The following EYS variants were observed in gnomAD, a reference collection of about 807,000 sequenced individuals.
The protein encoded by EYS is EGF-like photoreceptor maintenance factor.
A neutral mutation model predicts 282.1 loss-of-function variants in EYS; 250 were observed. That is an observed-to-expected ratio of 0.89 (90% CI 0.80 to 0.98). The LOEUF (loss-of-function observed/expected upper bound fraction) is 0.98. EYS is among the 50% of genes least tolerant of loss of function. The pLI is 0.00. For missense variants in EYS, 4,016 were observed against 3,709.0 expected (o/e 1.08, Z -2.15); for synonymous variants, 1,355 against 1,282.9 (o/e 1.06, Z -1.20).
chr6:65,305,471 T>G (rs1582123508), intron 11 of EYS, among the ~76,000 whole-genome samples: 1 of 152,342 alleles, frequency 6.6e-6, no homozygotes, highest in Non-Finnish European at 1.5e-5. Context: ...ATTTAGAGAT[T>G]CAACTAAGCT....
At chr6:64,333,931 C>A (rs762236447) in intron 29 of EYS, among the ~76,000 whole-genome samples, 5 of 152,112 alleles carry the variant, frequency 3.3e-5, no homozygotes, top group Non-Finnish European at 5.9e-5. Flanking sequence ...GAATTGATGC[C>A]GCAAGACAAT....
chr6:64,190,188 A>G (rs563822015), intron 31 of EYS, among the ~76,000 whole-genome samples: 129 of 152,308 alleles, frequency 8.5e-4, no homozygotes, highest in African/African-American at 3.0e-3. Flanking sequence ...CATCTAGTAC[A>G]AACAACCCCT....
At chr6:64,707,395 CAT>C (rs1395684405) in intron 22 of EYS, among the ~76,000 whole-genome samples, 6 of 151,944 alleles carry the variant, frequency 3.9e-5, no homozygotes, top group Admixed American at 2.0e-4. Context: ...GGGGGCCAGG[CAT>C]GGTGGCTCAC....
chr6:65,533,261 C>T lies in EYS; in HGVS notation c.-332-37268G>A, dbSNP rs553172600. ...AAATGGATAAATTCCTGGACACATACACCCTCCCAAGACTAAATCAGGAAG... is the reference window on the plus strand; with the variant it reads ...AAATGGATAAATTCCTGGACACATATACCCTCCCAAGACTAAATCAGGAAG... On this transcript the variant is annotated intron_variant, in intron 2 of 42. Transcript: ENST00000503581. Among the ~76,000 whole-genome samples the T allele has an allele frequency of 7.9e-5, 12 of 152,176 alleles. 1 individual carries two copies. Among genetic ancestry groups the T allele is most frequent in the African/African-American group, 2.9e-4 (12 of 41,528 alleles).
At chr6:65,530,338 C>T (rs1767717694) in intron 2 of EYS, among the ~76,000 whole-genome samples, 1 of 152,156 alleles carries the variant, frequency 6.6e-6, no homozygotes, top group Non-Finnish European at 1.5e-5. Context: ...AAACAATGGC[C>T]TGTGGGACTC....
At chr6:64,212,223 C>G (rs1765802132) in intron 31 of EYS, among the ~76,000 whole-genome samples, 1 of 151,762 alleles carries the variant, frequency 6.6e-6, no homozygotes, top group African/African-American at 2.4e-5. Flanking sequence ...GAGAGAAAAT[C>G]TGGAAGTATA....
At chr6:65,469,090 A>G (rs945744981) in intron 5 of EYS, among the ~76,000 whole-genome samples, 3 of 152,088 alleles carry the variant, frequency 2.0e-5, no homozygotes, top group Non-Finnish European at 2.9e-5. Context: ...TGATAGAACA[A>G]TATTTTTCAG....
chr6:64,274,297 C>T (rs1158374959), intron 30 of EYS, among the ~76,000 whole-genome samples: 2 of 152,070 alleles, frequency 1.3e-5, no homozygotes, highest in East Asian at 1.9e-4. Flanking sequence ...GCATCAGCTT[C>T]CGGAGTAGGT....
Position 64,886,791 on chromosome 6 carries a change from A to G in EYS, c.2898T>C (p.Asp966=). The G allele has an allele frequency of 6.5e-7, 1 of 1,547,078 alleles. No homozygotes were observed. Among genetic ancestry groups the G allele is most frequent in the Non-Finnish European group, 8.7e-7 (1 of 1,144,274 alleles). ...PEYHGPFCEL[D]VNKCKISPCL... Reference sequence around the variant, plus strand: ...AAGGTGAGATTTTACATTTATTTACATCAAGTTCACAGAAGGGCCCATGGT... The same window carrying G: ...AAGGTGAGATTTTACATTTATTTACGTCAAGTTCACAGAAGGGCCCATGGT... Residue 966 remains aspartate, a synonymous_variant, in exon 19 of 43, where the codon GAT becomes GAC. Transcript: ENST00000503581.
In EYS at chr6:64,019,869, CTT is replaced by C. The variant is rs1487608234; in HGVS notation, c.6726-20688_6726-20687del. Among the ~76,000 whole-genome samples the C allele has an allele frequency of 4.4e-5, 5 of 114,674 alleles. No individual in the cohort carries two copies. The East Asian group carries it at 7.4e-4, about 17-fold the overall frequency. 75.2% of individuals were successfully genotyped at this position (114,674 alleles called of 152,430 possible). Reference sequence around the variant, plus strand: ...ATATAAGTATATATATATATATATACTTACATATATAAGTGTATATAAGTGGA... The same window carrying C: ...ATATAAGTATATATATATATATATACACATATATAAGTGTATATAAGTGGA... On this transcript the variant is annotated intron_variant, in intron 33 of 42. Coordinates refer to ENST00000503581, the MANE Select transcript of EYS (RefSeq NM_001142800.2).
chr6:65,355,328 C>A (rs1205685814), intron 8 of EYS, among the ~76,000 whole-genome samples: 1 of 151,922 alleles, frequency 6.6e-6, no homozygotes, highest in East Asian at 1.9e-4. Context: ...ATTCATGTAA[C>A]TAAAAACCAC....
At chr6:64,510,528 CTT>C (rs55671455) in intron 26 of EYS, among the ~76,000 whole-genome samples, 2,920 of 151,982 alleles carry the variant, frequency 0.019, 50 homozygotes, top group African/African-American at 0.045. Context: ...AAAATGCAGA[CTT>C]TATTAAAAAC....
chr6:65,694,088 A>G (rs1164796502), intron 1 of EYS, among the ~76,000 whole-genome samples: 1 of 150,166 alleles, frequency 6.7e-6, no homozygotes, highest in Non-Finnish European at 1.5e-5. Context: ...AAAATTATGT[A>G]TAATAACAAA....
chr6:64,043,055 A>G (rs1770461422), intron 33 of EYS, among the ~76,000 whole-genome samples: 2 of 152,222 alleles, frequency 1.3e-5, no homozygotes, highest in Admixed American at 1.3e-4. Context: ...TTTTTCTTAT[A>G]GAGTTGTTAT....
At chr6:64,961,320 GTGT>G (rs1769908281) in intron 14 of EYS, among the ~76,000 whole-genome samples, 1 of 152,034 alleles carries the variant, frequency 6.6e-6, no homozygotes, top group South Asian at 2.1e-4. Flanking sequence ...TTGGTCAGTG[GTGT>G]TGTATGTATC....
At chr6:64,827,612 T>C (rs1466385572) in intron 19 of EYS, among the ~76,000 whole-genome samples, 1 of 151,866 alleles carries the variant, frequency 6.6e-6, no homozygotes, top group Non-Finnish European at 1.5e-5. Flanking sequence ...AGGCATACAA[T>C]AATTTATGGA....
At chr6:65,402,428 T>C in intron 7 of EYS, 50 bp downstream of exon 7, 1 of 1,275,680 alleles carries the variant, frequency 7.8e-7, no homozygotes, top group Non-Finnish European at 1.1e-6. Flanking sequence ...TTCACATGAT[T>C]TAAAAATCCA....
chr6:65,691,543 T>C (rs1233551577), intron 1 of EYS, among the ~76,000 whole-genome samples: 1 of 150,146 alleles, frequency 6.7e-6, no homozygotes, highest in African/African-American at 2.4e-5. Context: ...GCCTGTTCAC[T>C]CTGATGATAC....
At chr6:63,903,606 C>T (rs1773707238) in intron 35 of EYS, among the ~76,000 whole-genome samples, 1 of 152,158 alleles carries the variant, frequency 6.6e-6, no homozygotes, top group Admixed American at 6.5e-5. Context: ...TCCCTTTACC[C>T]TAGTCCCCCT....
Sources: allele counts gnomAD v4.1 joint callset (sites outside exome capture counted in the v4.1 genomes callset), GRCh38; gene constraint gnomAD v4.1.1; transcripts MANE v1.5; gene names NCBI Gene and HGNC (gene_info 2026-07-23, HGNC 2026-07-21).